The following AVEN variants were observed in gnomAD, a reference collection of about 807,000 sequenced individuals.
The protein encoded by AVEN is cell death regulator Aven.
Under a neutral mutation model 38.1 loss-of-function variants are expected in AVEN, and 41 were observed. The observed-to-expected ratio is 1.08, with a 90% CI of 0.84 to 1.40. AVEN has a LOEUF of 1.40. Ranked by LOEUF, AVEN falls within the 40% of genes most tolerant of loss-of-function variation. The pLI is 0.00. For synonymous variants in AVEN, 206 were observed against 171.8 expected, an observed-to-expected ratio of 1.20 and a Z score of -1.56; for missense variants, 605 against 438.8, an observed-to-expected ratio of 1.38 and a Z score of -3.38.
chr15:33,937,339 CCTGG>C (rs370690290), intron 2 of AVEN, among the ~76,000 whole-genome samples: 1,944 of 150,488 alleles, frequency 0.013, 47 homozygotes, highest in African/African-American at 0.045. Context: ...TTGAGACCAT[CCTGG>C]CTAACACGGT....
chr15:34,045,983 G>A (rs1349082632), intron 5 of AVEN, among the ~76,000 whole-genome samples: 1 of 151,970 alleles, frequency 6.6e-6, no homozygotes, highest in African/African-American at 2.4e-5. Context: ...TCTTAATGCT[G>A]GTATCCTAAA....
chr15:33,860,460 C>A, intron 11 of AVEN: 2 of 541,816 alleles, frequency 3.7e-6, no homozygotes, highest in South Asian at 3.3e-5. Context: ...CAAAGAAACA[C>A]GAGTATTATT....
intron 2 of AVEN, among the ~76,000 whole-genome samples, chr15:34,070,054 A>G (rs1246215429): frequency 6.6e-6 from 1 of 152,194 alleles, no homozygotes; most frequent in Non-Finnish European, 1.5e-5. Context: ...AGAGTTCTGC[A>G]TGGCTGGGGA....
intron 2 of AVEN, chr15:34,066,892 T>G (rs1278725431): frequency 6.6e-6 from 1 of 152,020 alleles, no homozygotes; most frequent in Non-Finnish European, 1.5e-5. Flanking sequence ...TTTTGCAGAC[T>G]ACCTATGCCT....
chr15:34,012,647 G>A (rs571756683), intron 1 of AVEN, among the ~76,000 whole-genome samples: 2 of 152,260 alleles, frequency 1.3e-5, no homozygotes, highest in South Asian at 4.1e-4. Context: ...AGGTTTTAAT[G>A]TCATCACATT....
intron 2 of AVEN, among the ~76,000 whole-genome samples, chr15:33,961,844 C>G (rs147003325): frequency 0.01 from 1,397 of 133,788 alleles, 14 homozygotes; most frequent in South Asian, 0.033. Context: ...AAAAAGAAAA[C>G]GAAGTGCCTG....
chr15:33,926,780 G>A (rs1893621765), intron 2 of AVEN, among the ~76,000 whole-genome samples: 1 of 151,952 alleles, frequency 6.6e-6, no homozygotes. Flanking sequence ...TCAGCCTCCC[G>A]AGTAGCTGGG....
intron 2 of AVEN, among the ~76,000 whole-genome samples, chr15:34,001,861 A>G (rs1186800867): frequency 9.2e-5 from 14 of 152,246 alleles, no homozygotes; most frequent in Non-Finnish European, 1.3e-4. Flanking sequence ...TAAAGAAGAA[A>G]GGTAGAACTA....
At chr15:34,016,629 C>G (rs1281037939) in intron 1 of AVEN, among the ~76,000 whole-genome samples, 1 of 152,200 alleles carries the variant, frequency 6.6e-6, no homozygotes, top group Non-Finnish European at 1.5e-5. Context: ...CTTTTCTCCA[C>G]TAACTAAAGC....
intron 2 of AVEN, among the ~76,000 whole-genome samples, chr15:33,891,290 T>C (rs961544162): frequency 3.3e-5 from 5 of 152,304 alleles, no homozygotes; most frequent in Admixed American, 2.0e-4. Context: ...CGTGCAGGTT[T>C]GATATATAGG....
chr15:33,932,726 G>A (rs1234700879), intron 2 of AVEN, among the ~76,000 whole-genome samples: 3 of 152,136 alleles, frequency 2.0e-5, no homozygotes, highest in Non-Finnish European at 4.4e-5. Context: ...TCAGGAGGCT[G>A]AGGCAGGAGA....
intron 5 of AVEN, among the ~76,000 whole-genome samples, chr15:34,055,418 T>C (rs1567491177): frequency 6.6e-6 from 1 of 151,560 alleles, no homozygotes; most frequent in Non-Finnish European, 1.5e-5. Context: ...GGCAGGAGAA[T>C]CTCCTGGATC....
Position 33,908,390 on chromosome 15 carries a change from T to G in AVEN, c.446-32395A>C, listed in dbSNP as rs1327920021. Among the ~76,000 whole-genome samples the G allele has an allele frequency of 3.0e-5, 3 of 100,006 alleles. 1 individual carries two copies. Among genetic ancestry groups the G allele is most frequent in the African/African-American group, 8.6e-5 (3 of 34,872 alleles). The allele number at this position is 100,006 out of a possible 152,430, so 65.6% of individuals were successfully genotyped here. On this transcript the variant is annotated intron_variant, in intron 2 of 5. Transcript: ENST00000306730. ...ATTATTGTTACCTGGAATAAAAGAT[T>G]CCTGCTTTTTTGTTCACATCTTGAG... is the stretch of plus-strand genomic sequence containing the variant.
intron 2 of AVEN, among the ~76,000 whole-genome samples, chr15:33,914,185 T>C (rs1178216727): frequency 6.6e-6 from 1 of 151,808 alleles, no homozygotes; most frequent in Non-Finnish European, 1.5e-5. Context: ...CTATGAGCTC[T>C]TTTACAGTGG....
intron 2 of AVEN, among the ~76,000 whole-genome samples, chr15:33,961,279 G>T (rs1413429096): frequency 1.3e-5 from 2 of 152,108 alleles, no homozygotes; most frequent in East Asian, 3.9e-4. Context: ...CACCTGCTGG[G>T]ATTACAGGCG....
At chr15:34,067,046 C>T (rs1203501079) in intron 2 of AVEN, 1 of 152,184 alleles carries the variant, frequency 6.6e-6, no homozygotes, top group Admixed American at 6.5e-5. Flanking sequence ...CATGGCCTGA[C>T]TTGAGATCTT....
chr15:33,899,487 T>TTTTTTTTTTTTTTTTTTTTTTTTTA (rs1892398434), intron 2 of AVEN, among the ~76,000 whole-genome samples: 1 of 67,350 alleles, frequency 1.5e-5, no homozygotes. Flanking sequence ...TTTTTTTTTT[T>TTTTTTTTTTTTTTTTTTTTTTTTTA]GAGACGGAGT....
At chr15:34,033,669 C>T (rs4780202) in intron 1 of AVEN, among the ~76,000 whole-genome samples, 151,137 of 152,314 alleles carry the variant, frequency 0.99, 74,996 homozygotes, top group Middle Eastern at 1. Flanking sequence ...CACTAAAAAA[C>T]TTTCAAGTAT....
chr15:33,857,810 G>C (rs1329150157), downstream of AVEN: 1 of 1,614,014 alleles, frequency 6.2e-7, no homozygotes, highest in Non-Finnish European at 8.5e-7. Context: ...CCTGGCCGTG[G>C]TGGTTTATCT....
Sources: gnomAD v4.1 joint callset for allele counts (sites outside exome capture counted in the v4.1 genomes callset) on GRCh38, gnomAD v4.1.1 for gene constraint, MANE v1.5 for transcripts, NCBI Gene and HGNC (gene_info 2026-07-23, HGNC 2026-07-21) for gene names.